Variants in SETD7 observed in about 807,000 individuals in gnomAD.
SETD7 encodes histone-lysine N-methyltransferase SETD7.
Under a neutral mutation model 41.8 loss-of-function variants are expected in SETD7, and 16 were observed. That is an observed-to-expected ratio of 0.38 (90% CI 0.26 to 0.58). The LOEUF (loss-of-function observed/expected upper bound fraction) is 0.58. SETD7 is among the 20% of genes least tolerant of loss of function. The pLI, the probability that SETD7 is intolerant of heterozygous loss-of-function variation, is 0.64. For missense variants in SETD7, 346 were observed against 459.7 expected (o/e 0.75, Z 2.26); for synonymous variants, 163 against 169.7 (o/e 0.96, Z 0.31).
At chr4:139,535,714 C>T (rs1479908534) in intron 2 of SETD7, among the ~76,000 whole-genome samples, 2 of 152,110 alleles carry the variant, frequency 1.3e-5, no homozygotes, top group Non-Finnish European at 2.9e-5. Flanking sequence ...CAAATGCAAA[C>T]TCTTAAGGCA....
exon 8 of SETD7, chr4:139,495,940 CTTTTTTTGTAATT>C (rs999941488): frequency 6.5e-6 from 1 of 153,498 alleles, no homozygotes; most frequent in African/African-American, 2.4e-5. Context: ...TGGGTTTAAA[CTTTTTTTGTAATT>C]TTTTATTGTG....
At chr4:139,502,257 A>C (rs538453653), downstream of SETD7, among the ~76,000 whole-genome samples, 1 of 152,376 alleles carries the variant, frequency 6.6e-6, no homozygotes, top group Admixed American at 6.5e-5. Context: ...GAGGGAGGAG[A>C]AAGACAATAA....
Position 139,555,888 on chromosome 4 carries a change from C to T in SETD7, c.40+210G>A, listed in dbSNP as rs959727756. Among the ~76,000 whole-genome samples, 8 of 152,102 alleles carry T rather than the reference C, an allele frequency of 5.3e-5. No homozygotes were observed. The highest frequency in any genetic ancestry group is 1.9e-4 in the African/African-American group (8 of 41,546). On this transcript the variant is annotated intron_variant, in intron 1 of 7. Transcript: ENST00000274031. This position sits in a 1 kb window ranked among gnomAD's most constrained non-coding sequence, Gnocchi z 4.0. ...CCAGCGCCCCCGGCCTGGCGGAGCC[C>T]CATTCTCGGCCTGCGCCCCGCCGCG...
At chr4:139,525,514 G>A (rs1727303222) in intron 4 of SETD7, among the ~76,000 whole-genome samples, 2 of 151,408 alleles carry the variant, frequency 1.3e-5, no homozygotes, top group Admixed American at 1.3e-4. Context: ...CTTAAAGATG[G>A]AGTAGGAATT....
intron 4 of SETD7, among the ~76,000 whole-genome samples, chr4:139,526,132 C>A (rs1049553911): frequency 3.9e-5 from 6 of 152,078 alleles, no homozygotes; most frequent in Non-Finnish European, 8.8e-5. Context: ...CTCACTGCAA[C>A]CTCCACTTCC....
At chr4:139,527,010 G>T (rs1727351924) in intron 4 of SETD7, among the ~76,000 whole-genome samples, 1 of 152,116 alleles carries the variant, frequency 6.6e-6, no homozygotes, top group African/African-American at 2.4e-5. Context: ...TAATGAAGGG[G>T]ATACATTTTG....
At chr4:139,523,567 A>C in intron 4 of SETD7, 132 bp from the exon 5 acceptor site, 1 of 568,040 alleles carries the variant, frequency 1.8e-6, no homozygotes, top group Non-Finnish European at 3.1e-6. Flanking sequence ...AACTAGAATG[A>C]AGTTCTTCAA....
At chr4:139,496,122 C>A (rs4863654) in exon 8 of SETD7, 327,171 of 384,930 alleles carry the variant, frequency 0.85, 139,929 homozygotes, top group East Asian at 0.98. Flanking sequence ...TTCCAAATAT[C>A]CTGATTGTTT....
At chr4:139,538,343 T>G (rs1727695830) in intron 2 of SETD7, among the ~76,000 whole-genome samples, 1 of 152,198 alleles carries the variant, frequency 6.6e-6, no homozygotes, top group South Asian at 2.1e-4. Context: ...TTTCATTTCT[T>G]TTTTTTAAGA....
chr4:139,529,886 C>T (rs969596112), intron 3 of SETD7, among the ~76,000 whole-genome samples: 1 of 152,202 alleles, frequency 6.6e-6, no homozygotes, highest in African/African-American at 2.4e-5. Context: ...CTAAATTTCA[C>T]TCCCATCTCA....
chr4:139,532,050 C>T (rs1308408811), intron 3 of SETD7, among the ~76,000 whole-genome samples: 1 of 152,200 alleles, frequency 6.6e-6, no homozygotes, highest in African/African-American at 2.4e-5. Flanking sequence ...GCCGACATGG[C>T]ACCACTGCAC....
chr4:139,496,630 C>A, intron 7 of SETD7: 1 of 612,672 alleles, frequency 1.6e-6, no homozygotes, highest in South Asian at 2.0e-5. Flanking sequence ...AGAAACCCAG[C>A]TGCATTTTTC....
rs56132171 is a variant in SETD7 at position 139,517,475 on chromosome 4, C to CAAAAA, written c.920+405_920+409dup. 5.9e-4 allele frequency among the ~76,000 whole-genome samples: 79 copies of CAAAAA among 134,042 alleles called. 1 individual carries two copies. Among genetic ancestry groups the CAAAAA allele is most frequent in the African/African-American group, 2.5e-3 (78 of 31,776 alleles). 87.9% of individuals were successfully genotyped at this position (134,042 alleles called of 152,430 possible). A position where few individuals can be genotyped will look rare whatever the true frequency, so the allele number is the denominator to read the frequency against. ...GGGCATCAAGAAGGAAAATCCATCT[C>CAAAAA]AAAAAAAAAAAAAAAAAAAAAAAAA... On this transcript the variant is annotated intron_variant, in intron 7 of 7. Coordinates refer to ENST00000274031, the MANE Select transcript of SETD7 (RefSeq NM_030648.4).
chr4:139,555,960 C>G lies in SETD7; in HGVS notation c.40+138G>C. Reference sequence around the variant, plus strand: ...TGACCGTGGCTGTCGGGCCCCCGCCCGAGCCGGGCAACCGGCCACCCGTGT... The same window carrying G: ...TGACCGTGGCTGTCGGGCCCCCGCCGGAGCCGGGCAACCGGCCACCCGTGT... On this transcript the variant is annotated intron_variant, in intron 1 of 7. Transcript: ENST00000274031. This position sits in a 1 kb window ranked among gnomAD's most constrained non-coding sequence, Gnocchi z 4.0. 2 of 750,356 alleles carry G rather than the reference C, an allele frequency of 2.7e-6. No homozygotes were observed. Among genetic ancestry groups the G allele is most frequent in the Non-Finnish European group, 3.7e-6 (2 of 541,312 alleles). The allele number at this position is 750,356 out of a possible 1,614,324, so 46.5% of individuals were successfully genotyped here.
At chr4:139,515,445 T>C (rs1726999684) in intron 7 of SETD7, among the ~76,000 whole-genome samples, 1 of 152,160 alleles carries the variant, frequency 6.6e-6, no homozygotes. Flanking sequence ...GTGAGAAAAA[T>C]CATGTCCTTG....
chr4:139,495,012 A>G (rs1726428199), downstream of SETD7, among the ~76,000 whole-genome samples: 1 of 152,260 alleles, frequency 6.6e-6, no homozygotes, highest in Non-Finnish European at 1.5e-5. Context: ...ATATGACATT[A>G]TAGATTTTAA....
intron 7 of SETD7, among the ~76,000 whole-genome samples, chr4:139,513,261 AAT>A (rs1726929908): frequency 6.6e-6 from 1 of 151,698 alleles, no homozygotes; most frequent in African/African-American, 2.4e-5. Flanking sequence ...CTCTACTAAA[AAT>A]GCAAAAATTA....
intron 5 of SETD7, among the ~76,000 whole-genome samples, chr4:139,523,060 G>T (rs142034626): frequency 6.6e-6 from 1 of 152,182 alleles, no homozygotes; most frequent in Non-Finnish European, 1.5e-5. Context: ...GGCCTCAACT[G>T]CTCTTTCTAC....
At chr4:139,533,965 C>CTATGTATGTATG (rs151148025) in intron 2 of SETD7, among the ~76,000 whole-genome samples, 33 of 148,428 alleles carry the variant, frequency 2.2e-4, no homozygotes, top group African/African-American at 7.5e-4. Context: ...ATCTATATAT[C>CTATGTATGTATG]TATGTATGTA....
Sources: allele counts gnomAD v4.1 joint callset (sites outside exome capture counted in the v4.1 genomes callset), GRCh38; gene constraint gnomAD v4.1.1; non-coding constraint Gnocchi (gnomAD v3.1); transcripts MANE v1.5; gene names NCBI Gene and HGNC (gene_info 2026-07-23, HGNC 2026-07-21).